CLVS1: variants seen among roughly 807,000 people sequenced by gnomAD.
CLVS1 encodes clavesin-1.
Under a neutral mutation model 33.1 loss-of-function variants are expected in CLVS1, and 10 were observed. The observed-to-expected ratio is 0.30, with a 90% confidence interval of 0.19 to 0.51. The LOEUF is 0.51. Among genes scored for constraint, CLVS1 ranks in the 20% least tolerant of loss-of-function variants. The pLI is 0.97. For missense variants in CLVS1, 343 were observed against 433.4 expected (o/e 0.79, Z 1.85); for synonymous variants, 163 against 166.1 (o/e 0.98, Z 0.14).
intron 2 of CLVS1, among the ~76,000 whole-genome samples, chr8:61,196,634 G>A (rs1028239253): frequency 1.3e-4 from 20 of 152,184 alleles, no homozygotes; most frequent in African/African-American, 4.8e-4. Flanking sequence ...CTTCATAAGA[G>A]CAGACATTAT....
chr8:61,289,880 C>G (rs1809924317), intron 1 of CLVS1, among the ~76,000 whole-genome samples: 1 of 152,128 alleles, frequency 6.6e-6, no homozygotes, highest in African/African-American at 2.4e-5. Context: ...ATAATTCCAC[C>G]TGCCTCTAAA....
intron 5 of CLVS1, among the ~76,000 whole-genome samples, chr8:61,467,313 A>G (rs1817582177): frequency 6.6e-6 from 1 of 152,192 alleles, no homozygotes; most frequent in Non-Finnish European, 1.5e-5. Flanking sequence ...AATTGTTCTC[A>G]GACGCGTCCT....
chr8:61,088,902 C>T (rs10086672), intron 1 of CLVS1, among the ~76,000 whole-genome samples: 82,990 of 151,236 alleles, frequency 0.55, 25,247 homozygotes, highest in African/African-American at 0.82. Flanking sequence ...CCTGGGTTCA[C>T]GCCATTCTCC....
upstream of CLVS1, among the ~76,000 whole-genome samples, chr8:61,283,432 T>C (rs868681994): frequency 6.6e-6 from 1 of 152,224 alleles, no homozygotes; most frequent in Non-Finnish European, 1.5e-5. Flanking sequence ...CTTGAGTTTG[T>C]ACTTCCTCTT....
At chr8:61,476,659 C>G (rs994955001) in intron 5 of CLVS1, among the ~76,000 whole-genome samples, 2 of 152,196 alleles carry the variant, frequency 1.3e-5, no homozygotes, top group African/African-American at 2.4e-5. Flanking sequence ...TATCCTGAGA[C>G]TTTGCTGAAG....
At chr8:61,013,778 A>C in the CLVS1 span, among the ~76,000 whole-genome samples, 1 of 152,296 alleles carries the variant, frequency 6.6e-6, no homozygotes, top group South Asian at 2.1e-4. Context: ...AAAAAGTAAG[A>C]ATATATTCCA....
At chr8:60,968,328 C>T in the CLVS1 span, among the ~76,000 whole-genome samples, 4 of 152,068 alleles carry the variant, frequency 2.6e-5, no homozygotes, top group African/African-American at 9.7e-5. Context: ...CCAGCCTGAC[C>T]AACATGGTGA....
In CLVS1 at chr8:61,499,718, C is replaced by T. The variant is rs1804496072; in HGVS notation, c.*176C>T. ...ATCGGTCTGAGCAGCCAAAGTTGGACAAAGACTTGAGAGATGCTTTTTTTT... is the reference window on the plus strand; with the variant it reads ...ATCGGTCTGAGCAGCCAAAGTTGGATAAAGACTTGAGAGATGCTTTTTTTT... On this transcript the variant is annotated 3_prime_UTR_variant, in exon 6 of 6. Transcript: ENST00000325897. 9.1e-6 allele frequency: 4 copies of T among 438,750 alleles called. No homozygotes were observed. The highest frequency in any genetic ancestry group is 1.2e-4 in the South Asian group (2 of 16,996). 27.2% of individuals were successfully genotyped at this position (438,750 alleles called of 1,614,324 possible).
intron 1 of CLVS1, among the ~76,000 whole-genome samples, chr8:61,086,672 A>G (rs1585599593): frequency 6.6e-6 from 1 of 152,052 alleles, no homozygotes; most frequent in African/African-American, 2.4e-5. Flanking sequence ...TTTTAGTAGC[A>G]ATCACCTTCT....
intron 2 of CLVS1, among the ~76,000 whole-genome samples, chr8:61,275,940 A>G (rs1355968089): frequency 1.3e-5 from 2 of 152,234 alleles, no homozygotes; most frequent in African/African-American, 2.4e-5. Context: ...ATGGTTTTGC[A>G]TAAGAGGCAG....
At chr8:61,325,815 TC>T (rs1160796275) in intron 2 of CLVS1, among the ~76,000 whole-genome samples, 1 of 152,166 alleles carries the variant, frequency 6.6e-6, no homozygotes, top group African/African-American at 2.4e-5. Flanking sequence ...ACCCAACAAG[TC>T]CTGGCCTTAT....
Position 61,292,106 on chromosome 8 carries a change from G to A in CLVS1, c.-152+3968G>A, listed in dbSNP as rs147332810. The A allele has an allele frequency of 2.0e-4, 54 of 265,070 alleles. 2 individuals are homozygous for A. The East Asian group carries it at 4.5e-3, about 22-fold the overall frequency. The allele number at this position is 265,070 out of a possible 1,614,324, so 16.4% of individuals were successfully genotyped here. A position where few individuals can be genotyped will look rare whatever the true frequency, so the allele number is the denominator to read the frequency against. ...CATGGACCACCCTTTGAGAAGCCAG[G>A]GCAAAGAAAAGTTTTTTTTTTTTTA... is the stretch of plus-strand genomic sequence containing the variant. On this transcript the variant is annotated intron_variant, in intron 1 of 5. Coordinates refer to ENST00000325897, the MANE Select transcript of CLVS1 (RefSeq NM_173519.3).
At chr8:61,235,327 C>T (rs542983165) in intron 2 of CLVS1, among the ~76,000 whole-genome samples, 1 of 152,246 alleles carries the variant, frequency 6.6e-6, no homozygotes, top group East Asian at 1.9e-4. Context: ...TTGCAGAGGA[C>T]TCCAGTGAGC....
intron 5 of CLVS1, among the ~76,000 whole-genome samples, chr8:61,460,798 G>A (rs1156666311): frequency 6.6e-6 from 1 of 152,206 alleles, no homozygotes; most frequent in African/African-American, 2.4e-5. Context: ...GCCCACTTTT[G>A]CTTTGACTAG....
At chr8:61,068,640 T>C (rs570034757) in intron 1 of CLVS1, among the ~76,000 whole-genome samples, 3 of 152,286 alleles carry the variant, frequency 2.0e-5, no homozygotes, top group South Asian at 2.1e-4. Context: ...GTCATCAGTG[T>C]GCTTTCTGGT....
Position 61,300,193 on chromosome 8 carries a change from G to A in CLVS1, c.366G>A (p.Leu122=). The A allele has an allele frequency of 3.7e-6, 6 of 1,614,020 alleles. No homozygotes were observed. Among genetic ancestry groups the A allele is most frequent in the Non-Finnish European group, 5.1e-6 (6 of 1,179,958 alleles). The change falls in exon 2 of 6, where the codon CTG becomes CTA. Residue 122 remains leucine (L), a synonymous_variant. Transcript: ENST00000325897. Reference sequence around the variant, plus strand: ...ATGATCCCGGCATTAAGAGGGCTCTGATCGATGGGTTCCCCGGGGTGCTGG... The same window carrying A: ...ATGATCCCGGCATTAAGAGGGCTCTAATCGATGGGTTCCCCGGGGTGCTGG... ...KADDPGIKRA[L]IDGFPGVLEN... is the part of the protein sequence containing the mutation.
chr8:61,440,332 G>A (rs955167213), intron 3 of CLVS1, among the ~76,000 whole-genome samples: 1 of 152,166 alleles, frequency 6.6e-6, no homozygotes, highest in Non-Finnish European at 1.5e-5. Context: ...TAACTGTCCA[G>A]TAATTCTTAG....
intron 2 of CLVS1, among the ~76,000 whole-genome samples, chr8:61,172,391 A>G (rs374125465): frequency 1.5e-4 from 23 of 152,184 alleles, no homozygotes; most frequent in African/African-American, 5.3e-4. Context: ...TATAGCTATC[A>G]TTGAGTGTTT....
rs1407981739 is a variant in CLVS1, at chr8:61,501,481, TGAC to T, written c.*1943_*1945del. The T allele has an allele frequency of 6.6e-6, 1 of 152,144 alleles. No homozygotes were observed. The allele number at this position is 152,144 out of a possible 1,614,324, so 9.4% of individuals were successfully genotyped here. On this transcript the variant is annotated 3_prime_UTR_variant, in exon 6 of 6. Transcript: ENST00000325897. ...TGAATGTAAGATGATGGCTCAAAAA[TGAC>T]GACTTATAGTTTGAATTTATGTGTA...
Sources: allele counts gnomAD v4.1 joint callset (sites outside exome capture counted in the v4.1 genomes callset), GRCh38; gene constraint gnomAD v4.1.1; transcripts MANE v1.5; gene names NCBI Gene and HGNC (gene_info 2026-07-23, HGNC 2026-07-21).